Variants in GAK observed in about 807,000 individuals in gnomAD.
GAK encodes cyclin-G-associated kinase.
A neutral mutation model predicts 143.9 loss-of-function variants in GAK; 79 were observed. The observed-to-expected ratio is 0.55, with a 90% CI of 0.46 to 0.66. GAK has a LOEUF of 0.66. Ranked by LOEUF, GAK falls within the 30% of genes least tolerant of loss-of-function variation. GAK has a pLI of 0.00. For missense variants in GAK, 1,693 were observed against 1,779.7 expected (o/e 0.95, Z 0.88); for synonymous variants, 881 against 765.5 (o/e 1.15, Z -2.49).
rs981408808 is a variant in GAK at position 877,354 on chromosome 4, A to AT, written c.1857-148dup. 82 of 675,792 alleles carry AT rather than the reference A, an allele frequency of 1.2e-4. No individual in the cohort carries two copies. In the African/African-American group the frequency reaches 1.4e-3, roughly 12 times the overall value. The allele number at this position is 675,792 out of a possible 1,614,324, so 41.9% of individuals were successfully genotyped here. ...AACCCCCATGAAGAGCCTCACAAGA[A>AT]TTCTAAAGTCTCCTGGGCACTCGGA... On this transcript the variant is annotated intron_variant, in intron 16 of 27. Transcript: ENST00000314167.
At chr4:878,877 T>TGAC (rs1476053695) in intron 15 of GAK, among the ~76,000 whole-genome samples, 1 of 152,140 alleles carries the variant, frequency 6.6e-6, no homozygotes, top group Non-Finnish European at 1.5e-5. Flanking sequence ...GCCAGGCAGG[T>TGAC]GACACCACTT....
intron 6 of GAK, among the ~76,000 whole-genome samples, chr4:896,944 G>A (rs1560388557): frequency 6.6e-6 from 1 of 152,230 alleles, no homozygotes; most frequent in African/African-American, 2.4e-5. Flanking sequence ...AGAACCCCAG[G>A]GTACGTGAGG....
intron 7 of GAK, among the ~76,000 whole-genome samples, chr4:895,264 G>A (rs908594937): frequency 6.6e-6 from 1 of 152,190 alleles, no homozygotes; most frequent in Non-Finnish European, 1.5e-5. Context: ...AACAATCAGC[G>A]ACTTCTCGTC....
At chr4:893,819 C>G (rs570821518) in intron 8 of GAK, 55 bp downstream of exon 8, 2 of 1,513,174 alleles carry the variant, frequency 1.3e-6, no homozygotes, top group South Asian at 1.3e-5. Context: ...TCCAGAGCCA[C>G]GCGGGGTCTG....
chr4:928,301 GC>G (rs1279788441), intron 1 of GAK, among the ~76,000 whole-genome samples: 1 of 152,186 alleles, frequency 6.6e-6, no homozygotes, highest in South Asian at 2.1e-4. Flanking sequence ...CGGGTGATCT[GC>G]CCACCTCGGC....
In GAK at chr4:882,821, T is replaced by G. The variant is rs1715427037; in HGVS notation, c.1405-2A>C. On this transcript the variant is annotated splice_acceptor_variant, in intron 13 of 27. Coordinates refer to ENST00000314167, the MANE Select transcript of GAK (RefSeq NM_005255.4). LOFTEE classifies it high-confidence loss of function. ...TGCTGCCCAGCCACACTCGGAGACC[T>G]GTGGGGACAGGGCACGGTGGCACGG... is the stretch of plus-strand genomic sequence containing the variant. 8 of 1,608,896 alleles carry G rather than the reference T, an allele frequency of 5.0e-6. No homozygotes were observed. Among genetic ancestry groups the G allele is most frequent in the Admixed American group, 1.7e-5 (1 of 59,980 alleles).
intron 19 of GAK, among the ~76,000 whole-genome samples, chr4:870,414 A>G (rs772183471): frequency 2.6e-5 from 4 of 152,176 alleles, no homozygotes; most frequent in Non-Finnish European, 5.9e-5. Context: ...TGACCCAGAC[A>G]CACGCCTGGG....
chr4:868,999 C>T (rs1347049764), intron 19 of GAK: 4 of 351,860 alleles, frequency 1.1e-5, no homozygotes, highest in Non-Finnish European at 1.1e-5. Flanking sequence ...CACACAGCTG[C>T]ACGGTACACA....
chr4:868,536 T>C lies in GAK; in HGVS notation c.2395+3A>G. On this transcript the variant is annotated splice_donor_region_variant and intron_variant, in intron 20 of 27. Coordinates refer to ENST00000314167, the MANE Select transcript of GAK (RefSeq NM_005255.4). ...AGTGGCCAGGTCCAGGGACGCTGCC[T>C]ACCCTGCCAGTCCAGCGTGTGCAGG... 1 of 1,601,436 alleles carries C rather than the reference T, an allele frequency of 6.2e-7. No homozygotes were observed.
In GAK at chr4:851,852, T is replaced by C; in HGVS notation, c.3406A>G (p.Lys1136Glu). ...TGTGTGCAGGCTTTGGGGGGCGGCT[T>C]GGCCTGAGGGGGCCATGAGGCGCCC... ...AQGASWPPQA[K>E]PPPKACTQPR... Residue 1136 changes from lysine (K) to glutamate (E), a missense_variant, in exon 25 of 28, where the codon AAG becomes GAG. Coordinates refer to ENST00000314167, the MANE Select transcript of GAK (RefSeq NM_005255.4). The C allele has an allele frequency of 6.2e-7, 1 of 1,608,416 alleles. No homozygotes were observed. Among genetic ancestry groups the C allele is most frequent in the Non-Finnish European group, 8.5e-7 (1 of 1,176,650 alleles).
chr4:874,258 C>A (rs1430267902), intron 18 of GAK, among the ~76,000 whole-genome samples: 2 of 152,210 alleles, frequency 1.3e-5, no homozygotes, highest in Non-Finnish European at 2.9e-5. Flanking sequence ...TTAAAACCCA[C>A]AGGACGTTAG....
chr4:849,833 G>GTGCCCCCCCCCCC, intron 27 of GAK, 59 bp from the exon 28 acceptor site: 2 of 1,190,154 alleles, frequency 1.7e-6, no homozygotes, highest in Non-Finnish European at 2.3e-6. Flanking sequence ...GGCGGGGCAG[G>GTGCCCCCCCCCCC]ACCCCCCCCC....
chr4:932,013 C>T lies in GAK; in HGVS notation c.145+30G>A. 1 of 1,492,360 alleles carries T rather than the reference C, an allele frequency of 6.7e-7. No individual in the cohort carries two copies. Among genetic ancestry groups the T allele is most frequent in the Non-Finnish European group, 9.2e-7 (1 of 1,089,962 alleles). 92.4% of individuals were successfully genotyped at this position (1,492,360 alleles called of 1,614,324 possible). ...CGTCCCGGAGACAACACTCCGCGGC[C>T]GCACCCGCGCTGCCGACCCGGGGCC... On this transcript the variant is annotated intron_variant, in intron 1 of 27. Coordinates refer to ENST00000314167, the MANE Select transcript of GAK (RefSeq NM_005255.4). The surrounding 1 kb of genome is among the most constrained non-coding windows in gnomAD (Gnocchi z 4.0).
rs557820119 is a variant in GAK, at chr4:878,897, C to T, written c.1662-1088G>A. ...GCAGGTGACACCACTTCTATGGTGA[C>T]GGTGCAGACCCCATCTTCCCAGCCA... is the stretch of plus-strand genomic sequence containing the variant. On this transcript the variant is annotated intron_variant, in intron 15 of 27. Transcript: ENST00000314167. 9.2e-5 allele frequency among the ~76,000 whole-genome samples: 14 copies of T among 152,298 alleles called. No individual in the cohort carries two copies. In the East Asian group the frequency reaches 1.4e-3, roughly 15 times the overall value.
intron 23 of GAK, among the ~76,000 whole-genome samples, chr4:864,138 C>T (rs986384916): frequency 4.6e-5 from 7 of 152,142 alleles, no homozygotes; most frequent in Admixed American, 6.5e-5. Context: ...GTGCATGCAT[C>T]GCCTAAGCCC....
In GAK at chr4:868,652, G is replaced by A. The variant is rs777484756; in HGVS notation, c.2282C>T (p.Thr761Met). The change falls in exon 20 of 28, where the codon ACG becomes ATG. Residue 761 changes from threonine (T) to methionine (M), a missense_variant. Thr to Met is a moderately conservative substitution (Grantham distance 81). Around this residue, in one of 2 missense-constraint regions of GAK, gnomAD observed 822 missense variants for 788.7 expected, o/e 1.04. Transcript: ENST00000314167. ...KPELPRQPGS[T>M]AQYDAGAGSP... ...CCCTGCCCCAGCATCATACTGAGCC[G>A]TGGAGCCAGGCTGCCGGGGAAGCTC... 15 of 1,558,270 alleles carry A rather than the reference G, an allele frequency of 9.6e-6. No homozygotes were observed. The East Asian group carries it at 1.5e-4, about 15-fold the overall frequency.
At chr4:915,342 C>T (rs900047830) in intron 1 of GAK, among the ~76,000 whole-genome samples, 1 of 152,156 alleles carries the variant, frequency 6.6e-6, no homozygotes, top group African/African-American at 2.4e-5. Flanking sequence ...GAAGGAAAAA[C>T]AAAACCACAA....
At chr4:885,350 G>C (rs963042680) in intron 11 of GAK, among the ~76,000 whole-genome samples, 1 of 152,218 alleles carries the variant, frequency 6.6e-6, no homozygotes, top group African/African-American at 2.4e-5. Context: ...CCGAGGCAGA[G>C]AGATCACCTG....
chr4:852,035 C>G, intron 24 of GAK, 61 bp from the exon 25 acceptor site: 1 of 1,357,352 alleles, frequency 7.4e-7, no homozygotes, highest in East Asian at 2.4e-5. Context: ...ACTACTGTTT[C>G]TATAACGCAG....
Sources: gnomAD v4.1 joint callset for allele counts (sites outside exome capture counted in the v4.1 genomes callset) on GRCh38, gnomAD v4.1.1 for gene constraint, gnomAD v4.1.1 regional missense constraint, Gnocchi (gnomAD v3.1) non-coding constraint, MANE v1.5 for transcripts, NCBI Gene and HGNC (gene_info 2026-07-23, HGNC 2026-07-21) for gene names.